The following FRMD4A variants were observed in gnomAD, a reference collection of about 807,000 sequenced individuals.
The protein encoded by FRMD4A is FERM domain-containing protein 4A.
In FRMD4A, 29 loss-of-function variants were observed where a neutral mutation model predicts 129.1. The observed-to-expected ratio is 0.22, with a 90% confidence interval of 0.17 to 0.31. The LOEUF (loss-of-function observed/expected upper bound fraction) is 0.31. Ranked by LOEUF, FRMD4A falls within the 10% of genes least tolerant of loss-of-function variation. The pLI, the probability that FRMD4A is intolerant of heterozygous loss-of-function variation, is 1.00. For missense variants in FRMD4A, 1,272 were observed against 1,375.8 expected (o/e 0.92, Z 1.19); for synonymous variants, 634 against 571.6 (o/e 1.11, Z -1.56).
chr10:13,762,598 T>C lies in FRMD4A; in HGVS notation c.441+26A>G, dbSNP rs111649303. ...TTCTTCTGTGTATGGCCGTGGGACA[T>C]AAAGAGGAGGAGAAAAACAACTTAC... On this transcript the variant is annotated intron_variant, in intron 7 of 24. Transcript: ENST00000357447. 1.0e-3 allele frequency: 1,413 copies of C among 1,382,472 alleles called. 9 individuals carry two copies. The African/African-American group carries it at 0.017, about 17-fold the overall frequency. The allele number at this position is 1,382,472 out of a possible 1,614,324, so 85.6% of individuals were successfully genotyped here.
chr10:13,882,804 TGG>T (rs1491504368), intron 2 of FRMD4A, among the ~76,000 whole-genome samples: 45 of 24,628 alleles, frequency 1.8e-3, no homozygotes, highest in African/African-American at 5.9e-3. Context: ...TATAATTTTT[TGG>T]TTTTTTTTTT....
At chr10:13,920,061 C>T (rs954307642) in intron 2 of FRMD4A, among the ~76,000 whole-genome samples, 2 of 152,294 alleles carry the variant, frequency 1.3e-5, no homozygotes, top group East Asian at 1.9e-4. Context: ...AACTATATCC[C>T]CCACCACAGT....
rs193001524 is a variant in FRMD4A at position 14,027,355 on chromosome 10, A to G, written c.46-168443T>C. Among the ~76,000 whole-genome samples the G allele has an allele frequency of 4.2e-4, 64 of 152,290 alleles. 2 individuals are homozygous for G. The East Asian group carries it at 0.012, about 28-fold the overall frequency. ...TTTTGGGGGGCTTTAAAAACAGTCA[A>G]TGCGGCCGGGCATGGTGGCTCACGC... On this transcript the variant is annotated intron_variant, in intron 2 of 24. Coordinates refer to ENST00000357447, the MANE Select transcript of FRMD4A (RefSeq NM_018027.5).
intron 3 of FRMD4A, among the ~76,000 whole-genome samples, chr10:13,826,372 A>G (rs1205963338): frequency 6.6e-6 from 1 of 152,200 alleles, no homozygotes; most frequent in African/African-American, 2.4e-5. Flanking sequence ...TTATTTGAGC[A>G]GCCTTGCCCT....
chr10:13,934,918 G>T (rs564591398), intron 2 of FRMD4A, among the ~76,000 whole-genome samples: 1 of 152,068 alleles, frequency 6.6e-6, no homozygotes, highest in South Asian at 2.1e-4. Flanking sequence ...TCAAGGTGCT[G>T]GTAGCTTTGG....
At chr10:14,223,735 T>G in intron 2 of FRMD4A, among the ~76,000 whole-genome samples, 1 of 112,826 alleles carries the variant, frequency 8.9e-6, no homozygotes, top group Non-Finnish European at 1.7e-5. Context: ...AGCAAGACCA[T>G]GTCTCAAAAT....
rs763391856 is a variant in FRMD4A, at chr10:13,660,354, A to G, written c.1860T>C (p.Tyr620=). The change falls in exon 20 of 25, where the codon TAT becomes TAC. Residue 620 remains tyrosine, a synonymous_variant. Coordinates refer to ENST00000357447, the MANE Select transcript of FRMD4A (RefSeq NM_018027.5). The stretch of plus-strand genomic sequence containing the variant: ...GAGAGGAGCGCTTCTTGACCTTCTC[A>G]TAGGGTTCATCTAAAGAGGACTCAC... The part of the protein sequence containing the change: ...MWSESSLDEP[Y]EKVKKRSSHS... 5 of 1,613,950 alleles carry G rather than the reference A, an allele frequency of 3.1e-6. No homozygotes were observed. The highest frequency in any genetic ancestry group is 1.7e-5 in the Admixed American group (1 of 60,024).
At chr10:14,218,809 G>A (rs1843154112) in intron 2 of FRMD4A, among the ~76,000 whole-genome samples, 3 of 151,806 alleles carry the variant, frequency 2.0e-5, no homozygotes, top group Admixed American at 1.3e-4. Flanking sequence ...ACAAAAATTA[G>A]CCGGGTGTGG....
At chr10:13,690,137 C>T (rs1182631704) in intron 15 of FRMD4A, among the ~76,000 whole-genome samples, 3 of 152,100 alleles carry the variant, frequency 2.0e-5, no homozygotes, top group South Asian at 2.1e-4. Flanking sequence ...AAATAAAATC[C>T]GGCAAGTGTA....
At chr10:13,879,748 CCCCCCT>C (rs1454047836) in intron 2 of FRMD4A, among the ~76,000 whole-genome samples, 4 of 120,970 alleles carry the variant, frequency 3.3e-5, no homozygotes, top group African/African-American at 9.2e-5. Context: ...TCTCCCTTCT[CCCCCCT>C]CCCCCTCCCC....
At position 13,816,836 on chromosome 10, in the gene FRMD4A, T is replaced by C. The variant is rs190769892; in HGVS notation, c.112-5928A>G. The stretch of plus-strand genomic sequence containing the variant: ...AGCCCAATCGCATTCTATTGGACAA[T>C]CTGGGCAGGAGCCCAGAGGCCACGT... On this transcript the variant is annotated intron_variant, in intron 3 of 24. Transcript: ENST00000357447. Among the ~76,000 whole-genome samples, 9 of 152,322 alleles carry C rather than the reference T, an allele frequency of 5.9e-5. No individual in the cohort carries two copies. In the East Asian group the frequency reaches 1.5e-3, roughly 26 times the overall value.
chr10:14,153,685 C>T (rs530680510), intron 2 of FRMD4A, among the ~76,000 whole-genome samples: 1 of 152,280 alleles, frequency 6.6e-6, no homozygotes, highest in Admixed American at 6.5e-5. Flanking sequence ...CGCCTGCTCC[C>T]CTCCCGTCTC....
intron 2 of FRMD4A, among the ~76,000 whole-genome samples, chr10:14,289,735 C>T (rs1002830193): frequency 1.5e-4 from 23 of 151,944 alleles, no homozygotes; most frequent in African/African-American, 4.8e-4. Context: ...TTATTAAATG[C>T]AATATAGGAA....
chr10:14,223,229 A>G (rs1323829877), intron 2 of FRMD4A, among the ~76,000 whole-genome samples: 4 of 152,212 alleles, frequency 2.6e-5, no homozygotes, highest in African/African-American at 9.7e-5. Flanking sequence ...AGGCAAAGTC[A>G]TCATGGTGCC....
intron 3 of FRMD4A, among the ~76,000 whole-genome samples, chr10:13,820,803 C>T (rs2093618908): frequency 6.6e-6 from 1 of 152,186 alleles, no homozygotes; most frequent in South Asian, 2.1e-4. Flanking sequence ...ATCCACTCTG[C>T]CCGGGACCCC....
At chr10:13,964,936 T>C (rs545853036) in intron 2 of FRMD4A, among the ~76,000 whole-genome samples, 1 of 152,042 alleles carries the variant, frequency 6.6e-6, no homozygotes, top group Non-Finnish European at 1.5e-5. Flanking sequence ...TGCCCGCCTC[T>C]GCCTCCCAAA....
At chr10:13,913,046 C>G (rs1484347096) in intron 2 of FRMD4A, among the ~76,000 whole-genome samples, 1 of 149,088 alleles carries the variant, frequency 6.7e-6, no homozygotes, top group Non-Finnish European at 1.5e-5. Flanking sequence ...GCACCGTAGC[C>G]TGGGTAAGAA....
At chr10:13,717,630 T>G (rs2134959144) in intron 12 of FRMD4A, among the ~76,000 whole-genome samples, 1 of 151,708 alleles carries the variant, frequency 6.6e-6, no homozygotes, top group East Asian at 1.9e-4. Flanking sequence ...TTTTTTTTTT[T>G]TTTTTTAATC....
chr10:14,045,118 G>A (rs557339854), intron 2 of FRMD4A, among the ~76,000 whole-genome samples: 1 of 152,232 alleles, frequency 6.6e-6, no homozygotes, highest in East Asian at 1.9e-4. Flanking sequence ...GCCCTGGCTG[G>A]TCTTGAACTC....
Sources: gnomAD v4.1 joint callset for allele counts (sites outside exome capture counted in the v4.1 genomes callset) on GRCh38, gnomAD v4.1.1 for gene constraint, MANE v1.5 for transcripts, NCBI Gene and HGNC (gene_info 2026-07-23, HGNC 2026-07-21) for gene names.